The following TTC21B variants were observed in gnomAD, a reference collection of about 807,000 sequenced individuals.
The protein encoded by TTC21B is tetratricopeptide repeat protein 21B.
In TTC21B, 127 loss-of-function variants were observed where a neutral mutation model predicts 175.1. The observed-to-expected ratio is 0.73, with a 90% CI of 0.63 to 0.84. The LOEUF is 0.84. TTC21B is among the 40% of genes least tolerant of loss of function. The pLI is 0.00. For synonymous variants in TTC21B, 524 were observed against 524.5 expected (o/e 1.00, Z 0.01); for missense variants, 1,561 against 1,558.3 (o/e 1.00, Z -0.03).
At chr2:165,946,374 T>C (rs1292381862) in intron 3 of TTC21B, among the ~76,000 whole-genome samples, 1 of 152,030 alleles carries the variant, frequency 6.6e-6, no homozygotes, top group Non-Finnish European at 1.5e-5. Context: ...TATTTAAAAA[T>C]ACTTGATTTG....
At chr2:165,928,459 G>A (rs1040230086) in intron 11 of TTC21B, among the ~76,000 whole-genome samples, 1 of 152,000 alleles carries the variant, frequency 6.6e-6, no homozygotes, top group African/African-American at 2.4e-5. Context: ...ATCCACGTTT[G>A]GAATAGTAAA....
rs150950880 is a variant in TTC21B at position 165,899,464 on chromosome 2, A to T, written c.2868+306T>A. Reference sequence around the variant, plus strand: ...CAGCATTCCTAAGTACTTAAAAGTTAGTTCTTAGCAAATTATAGTGTTACC... The same window carrying T: ...CAGCATTCCTAAGTACTTAAAAGTTTGTTCTTAGCAAATTATAGTGTTACC... On this transcript the variant is annotated intron_variant, in intron 21 of 28. Coordinates refer to ENST00000243344, the MANE Select transcript of TTC21B (RefSeq NM_024753.5). Among the ~76,000 whole-genome samples the T allele has an allele frequency of 2.6e-5, 4 of 152,320 alleles. No homozygotes were observed. The East Asian group carries it at 7.7e-4, about 29-fold the overall frequency.
intron 1 of TTC21B, among the ~76,000 whole-genome samples, chr2:165,953,377 T>C (rs1687819530): frequency 6.6e-6 from 1 of 152,188 alleles, no homozygotes; most frequent in African/African-American, 2.4e-5. Flanking sequence ...AGGCGCAGTG[T>C]CATAGGTAAC....
intron 20 of TTC21B, among the ~76,000 whole-genome samples, chr2:165,901,469 G>A (rs1270290120): frequency 2.0e-5 from 3 of 151,694 alleles, no homozygotes; most frequent in Non-Finnish European, 2.9e-5. Flanking sequence ...TACAGGAGGC[G>A]CCCCCCACCA....
rs1250383204 is a variant in TTC21B at position 165,887,591 on chromosome 2, G to T, written c.3459+688C>A. ...AATCCCACATACTTGGGAGGCTGAGGCAGGAGAATTGCCCGAACCTGGGAG... is the reference window on the plus strand; with the variant it reads ...AATCCCACATACTTGGGAGGCTGAGTCAGGAGAATTGCCCGAACCTGGGAG... On this transcript the variant is annotated intron_variant, in intron 25 of 28. Coordinates refer to ENST00000243344, the MANE Select transcript of TTC21B (RefSeq NM_024753.5). 1.8e-4 allele frequency among the ~76,000 whole-genome samples: 28 copies of T among 151,974 alleles called. 1 individual carries two copies. Among genetic ancestry groups the T allele is most frequent in the Admixed American group, 1.8e-3 (28 of 15,238 alleles).
intron 4 of TTC21B, among the ~76,000 whole-genome samples, chr2:165,943,617 A>ATTTTCTCTGAGAC (rs1687447059): frequency 6.6e-6 from 1 of 152,268 alleles, no homozygotes; most frequent in East Asian, 1.9e-4. Context: ...TAAAACCATT[A>ATTTTCTCTGAGAC]TTTTCTCTGA....
At chr2:165,945,385 T>C (rs369879784) in intron 4 of TTC21B, 139 bp downstream of exon 4, 1 of 772,676 alleles carries the variant, frequency 1.3e-6, no homozygotes, top group East Asian at 2.7e-5. Context: ...TAACCATAAA[T>C]GGGTTAAAAT....
chr2:165,951,868 T>G (rs1395697146), intron 1 of TTC21B, among the ~76,000 whole-genome samples: 2 of 152,196 alleles, frequency 1.3e-5, no homozygotes, highest in African/African-American at 4.8e-5. Flanking sequence ...TAGCAACATT[T>G]TGACAGCATT....
At chr2:165,919,193 A>T in intron 13 of TTC21B, 83 bp downstream of exon 13, 1 of 1,522,988 alleles carries the variant, frequency 6.6e-7, no homozygotes, top group Non-Finnish European at 9.1e-7. Context: ...GCAAAATACT[A>T]CAGGCTAAAA....
In TTC21B at chr2:165,941,478, C is replaced by CAGG. The variant is rs68036135; in HGVS notation, c.553-295_553-294insCCT. On this transcript the variant is annotated intron_variant, in intron 5 of 28. Coordinates refer to ENST00000243344, the MANE Select transcript of TTC21B (RefSeq NM_024753.5). ...CATAAAATAATGTTTCCATTTAAAA[C>CAGG]AAAATTATCTTTTTAGATTAAAATG... Among the ~76,000 whole-genome samples, 96,278 of 151,598 alleles carry CAGG rather than the reference C, an allele frequency of 0.64. 30,768 individuals are homozygous for CAGG. Among genetic ancestry groups the CAGG allele is most frequent in the East Asian group, 0.81 (4,169 of 5,172 alleles).
At chr2:165,879,974 G>C (rs1181960042) in intron 27 of TTC21B, 2 of 152,812 alleles carry the variant, frequency 1.3e-5, no homozygotes, top group Non-Finnish European at 2.9e-5. Flanking sequence ...TGATCTGTAA[G>C]AGGGAGGCAT....
chr2:165,896,408 C>G (rs1574076592), intron 22 of TTC21B, among the ~76,000 whole-genome samples: 1 of 152,072 alleles, frequency 6.6e-6, no homozygotes, highest in Non-Finnish European at 1.5e-5. Context: ...TCTGGAAACA[C>G]AGCAGTGAAG....
chr2:165,949,947 T>C, intron 1 of TTC21B: 1 of 414,894 alleles, frequency 2.4e-6, no homozygotes, highest in South Asian at 3.7e-5. Context: ...TTTCTAATAA[T>C]TTAAATTATT....
rs1298853337 is a variant in TTC21B, at chr2:165,945,623, G to A, written c.330C>T (p.Ala110=). The change falls in exon 4 of 29, where the codon GCC becomes GCT. Residue 110 remains alanine, a synonymous_variant. Coordinates refer to ENST00000243344, the MANE Select transcript of TTC21B (RefSeq NM_024753.5). ...ATAAAAATAAGCCTGCATGGTATAA[G>A]GCTTTCTCTCCAGCTCCTTTACGTT... ...KEQRKGAGEK[A]LYHAGLFLWH... 3.1e-6 allele frequency: 5 copies of A among 1,613,754 alleles called. No homozygotes were observed. The highest frequency in any genetic ancestry group is 1.1e-5 in the South Asian group (1 of 91,084).
chr2:165,927,916 T>C (rs1686737196), intron 11 of TTC21B, among the ~76,000 whole-genome samples: 1 of 152,236 alleles, frequency 6.6e-6, no homozygotes, highest in Non-Finnish European at 1.5e-5. Context: ...AAGTTTGCTT[T>C]CAGCAATGGA....
chr2:165,896,880 T>G (rs571991104), intron 22 of TTC21B, among the ~76,000 whole-genome samples: 1 of 152,160 alleles, frequency 6.6e-6, no homozygotes, highest in Admixed American at 6.5e-5. Context: ...CTACTAAGGG[T>G]TTTTTTGTTT....
At position 165,876,158 on chromosome 2, in the gene TTC21B, T is replaced by A. The variant is rs745875005; in HGVS notation, c.3873+7A>T. On this transcript the variant is annotated splice_region_variant and intron_variant, in intron 28 of 28. Transcript: ENST00000243344. ...AAATTTTAAGAAATCTAAATTTAAG[T>A]GTTTACCTGGTGACATATGTCAATT... is the stretch of plus-strand genomic sequence containing the variant. 18 of 1,564,120 alleles carry A rather than the reference T, an allele frequency of 1.2e-5. No homozygotes were observed. Among genetic ancestry groups the A allele is most frequent in the Non-Finnish European group, 1.5e-5 (17 of 1,137,348 alleles).
At chr2:165,911,190 TAAAAG>T in intron 18 of TTC21B, 132 bp downstream of exon 18, 2 of 1,063,838 alleles carry the variant, frequency 1.9e-6, no homozygotes. Flanking sequence ...GGCATTCTGA[TAAAAG>T]AAAAAATACG....
At chr2:165,913,199 T>C (rs1463083309) in intron 16 of TTC21B, among the ~76,000 whole-genome samples, 1 of 152,108 alleles carries the variant, frequency 6.6e-6, no homozygotes, top group African/African-American at 2.4e-5. Flanking sequence ...TAATTTTTTG[T>C]ATTTTTTGTA....
Sources: allele counts gnomAD v4.1 joint callset (sites outside exome capture counted in the v4.1 genomes callset), GRCh38; gene constraint gnomAD v4.1.1; transcripts MANE v1.5; gene names NCBI Gene and HGNC (gene_info 2026-07-23, HGNC 2026-07-21).